FAM13A: variants seen among roughly 807,000 people sequenced by gnomAD.
FAM13A encodes the protein family with sequence similarity 13 member A.
FAM13A carries 76 observed loss-of-function variants against 129.6 expected under a neutral mutation model. The observed-to-expected ratio is 0.59, with a 90% CI of 0.49 to 0.71. The LOEUF (loss-of-function observed/expected upper bound fraction) is 0.71. Ranked by LOEUF, FAM13A falls within the 30% of genes least tolerant of loss-of-function variation. FAM13A has a pLI of 0.00. For synonymous variants in FAM13A, 443 were observed against 449.9 expected (o/e 0.98, Z 0.20); for missense variants, 1,108 against 1,249.3 (o/e 0.89, Z 1.70).
At chr4:88,833,816 G>A (rs994391249) in intron 7 of FAM13A, among the ~76,000 whole-genome samples, 3 of 152,102 alleles carry the variant, frequency 2.0e-5, no homozygotes, top group African/African-American at 7.2e-5. Flanking sequence ...AACCTGGGAA[G>A]CAGAGTTTGC....
intron 1 of FAM13A, among the ~76,000 whole-genome samples, chr4:89,048,946 AAAG>A (rs748536757): frequency 2.0e-5 from 3 of 152,228 alleles, no homozygotes; most frequent in Non-Finnish European, 4.4e-5. Context: ...TAACAAAGAC[AAAG>A]AAGATTTAAA....
At chr4:88,888,830 G>A (rs1744877988) in intron 6 of FAM13A, among the ~76,000 whole-genome samples, 1 of 151,694 alleles carries the variant, frequency 6.6e-6, no homozygotes, top group African/African-American at 2.4e-5. Context: ...CAGCTACTCA[G>A]GAGGCTGAGG....
intron 1 of FAM13A, among the ~76,000 whole-genome samples, chr4:89,045,243 AC>A (rs35213381): frequency 0.24 from 36,552 of 152,046 alleles, 4,493 homozygotes; most frequent in Non-Finnish European, 0.28. Context: ...AAAGGAAAAA[AC>A]ATTTCAGAAG....
rs146684793 is a variant in FAM13A at position 88,931,406 on chromosome 4, G to A, written c.759+6682C>T. Among the ~76,000 whole-genome samples, 12 of 152,102 alleles carry A rather than the reference G, an allele frequency of 7.9e-5. No homozygotes were observed. In the East Asian group the frequency reaches 2.1e-3, roughly 27 times the overall value. ...GCCTGTTCCAGAGTGTGGAGCCCTG[G>A]GGGTTTCTCTTTCACTGTTTCCCCA... is the stretch of plus-strand genomic sequence containing the variant. On this transcript the variant is annotated intron_variant, in intron 5 of 23. Transcript: ENST00000264344.
intron 3 of FAM13A, among the ~76,000 whole-genome samples, chr4:89,009,309 T>C (rs1765445913): frequency 6.6e-6 from 1 of 152,226 alleles, no homozygotes; most frequent in South Asian, 2.1e-4. Flanking sequence ...TGTATTCTTG[T>C]ACTGTAGATG....
chr4:88,770,575 A>AG (rs1720475351), intron 11 of FAM13A, among the ~76,000 whole-genome samples: 2 of 149,840 alleles, frequency 1.3e-5, no homozygotes, highest in South Asian at 2.1e-4. Context: ...AAAAAGAAAT[A>AG]AAATAAAAAA....
chr4:88,850,109 TG>T (rs1196138080), intron 7 of FAM13A, among the ~76,000 whole-genome samples: 1 of 152,168 alleles, frequency 6.6e-6, no homozygotes, highest in Admixed American at 6.5e-5. Context: ...TTCAACTTCC[TG>T]GAGTATTTTT....
intron 1 of FAM13A, among the ~76,000 whole-genome samples, chr4:89,054,318 C>CAG (rs1553933069): frequency 1.3e-5 from 2 of 148,908 alleles, no homozygotes; most frequent in African/African-American, 4.9e-5. Context: ...CACACACACA[C>CAG]GTACGTACTA....
At chr4:88,865,174 C>A (rs2150051341) in intron 6 of FAM13A, among the ~76,000 whole-genome samples, 1 of 152,112 alleles carries the variant, frequency 6.6e-6, no homozygotes, top group African/African-American at 2.4e-5. Context: ...TTTACATTGT[C>A]TGTTATTATT....
intron 6 of FAM13A, among the ~76,000 whole-genome samples, chr4:88,887,395 A>C (rs930347504): frequency 3.3e-5 from 5 of 152,244 alleles, no homozygotes; most frequent in Admixed American, 3.3e-4. Context: ...AATGAGCTCA[A>C]GGATACATTA....
intron 4 of FAM13A, among the ~76,000 whole-genome samples, chr4:88,940,077 T>C (rs1419490045): frequency 6.6e-6 from 1 of 152,192 alleles, no homozygotes; most frequent in Non-Finnish European, 1.5e-5. Flanking sequence ...TTTAAGCCAC[T>C]AAATGTGTGG....
intron 4 of FAM13A, chr4:88,990,288 A>C (rs1762774614): frequency 6.6e-6 from 1 of 152,192 alleles, no homozygotes; most frequent in Admixed American, 6.5e-5. Context: ...TTAAAAAAAA[A>C]GTTGCTGAGT....
At chr4:88,993,512 C>A (rs79994457) in intron 3 of FAM13A, among the ~76,000 whole-genome samples, 2,545 of 152,206 alleles carry the variant, frequency 0.017, 48 homozygotes, top group African/African-American at 0.049. Flanking sequence ...TGTAAAGATA[C>A]CAGGTCTAAT....
At chr4:88,781,116 A>C (rs773382951) in intron 11 of FAM13A, 49 bp downstream of exon 11, 2 of 1,253,534 alleles carry the variant, frequency 1.6e-6, no homozygotes, top group Non-Finnish European at 1.1e-6. Context: ...CAAAGAAAAG[A>C]GATGTAATAT....
At chr4:88,945,502 A>C (rs1044522599) in intron 4 of FAM13A, among the ~76,000 whole-genome samples, 7 of 151,964 alleles carry the variant, frequency 4.6e-5, no homozygotes, top group Admixed American at 2.0e-4. Flanking sequence ...TTTCTCTTGG[A>C]AGGGTAAGGC....
chr4:88,776,897 C>T (rs1721833883), intron 11 of FAM13A, among the ~76,000 whole-genome samples: 1 of 152,044 alleles, frequency 6.6e-6, no homozygotes, highest in Non-Finnish European at 1.5e-5. Context: ...TCACTTGAAC[C>T]CGGGAGGGGG....
chr4:88,952,863 G>A (rs1462230183), intron 4 of FAM13A, among the ~76,000 whole-genome samples: 3 of 151,894 alleles, frequency 2.0e-5, no homozygotes, highest in African/African-American at 4.8e-5. Flanking sequence ...AAGGAGAATC[G>A]CTTAAACCTG....
At chr4:88,753,167 A>C (rs909903783) in intron 14 of FAM13A, among the ~76,000 whole-genome samples, 1 of 152,222 alleles carries the variant, frequency 6.6e-6, no homozygotes, top group African/African-American at 2.4e-5. Flanking sequence ...ACTCATCTTT[A>C]AGTTTTCAAC....
intron 4 of FAM13A, among the ~76,000 whole-genome samples, chr4:88,976,112 A>G (rs1760863589): frequency 6.6e-6 from 1 of 152,228 alleles, no homozygotes; most frequent in Non-Finnish European, 1.5e-5. Context: ...TTTGAAAGAA[A>G]ACATGCGGTT....
Sources: gnomAD v4.1 joint callset for allele counts (sites outside exome capture counted in the v4.1 genomes callset) on GRCh38, gnomAD v4.1.1 for gene constraint, MANE v1.5 for transcripts, NCBI Gene and HGNC (gene_info 2026-07-23, HGNC 2026-07-21) for gene names.